The following NTM variants were observed in gnomAD, a reference collection of about 807,000 sequenced individuals.
NTM encodes the protein neurotrimin.
A neutral mutation model predicts 42.1 loss-of-function variants in NTM; 13 were observed. The ratio of observed to expected loss-of-function variants is 0.31; its 90% CI spans 0.20 to 0.49. The LOEUF is 0.49. Among genes scored for constraint, NTM ranks in the 20% least tolerant of loss-of-function variants. NTM has a pLI of 0.99. For synonymous variants in NTM, 187 were observed against 179.2 expected (o/e 1.04, Z -0.35); for missense variants, 373 against 452.8 (o/e 0.82, Z 1.60).
At chr11:131,855,030 G>A (rs2045961124) in intron 1 of NTM, among the ~76,000 whole-genome samples, 2 of 152,288 alleles carry the variant, frequency 1.3e-5, no homozygotes, top group South Asian at 4.2e-4. Context: ...GTGCTGATGG[G>A]AACATCTGGG....
At chr11:131,827,995 G>T (rs935614455) in intron 1 of NTM, among the ~76,000 whole-genome samples, 1 of 152,068 alleles carries the variant, frequency 6.6e-6, no homozygotes, top group African/African-American at 2.4e-5. Context: ...TGTAGGCAGA[G>T]CTGTAAGATG....
intron 2 of NTM, among the ~76,000 whole-genome samples, chr11:132,029,930 C>T (rs1197862643): frequency 6.6e-6 from 1 of 152,166 alleles, no homozygotes; most frequent in African/African-American, 2.4e-5. Context: ...CAGTGTTCCA[C>T]ATGAATGAAT....
chr11:131,745,283 G>A (rs2081672536), intron 1 of NTM, among the ~76,000 whole-genome samples: 1 of 152,192 alleles, frequency 6.6e-6, no homozygotes, highest in South Asian at 2.1e-4. Context: ...GAATGAGGAG[G>A]TGCCATTCAG....
chr11:131,805,556 C>G (rs1001235197), intron 1 of NTM, among the ~76,000 whole-genome samples: 5 of 152,200 alleles, frequency 3.3e-5, no homozygotes, highest in Non-Finnish European at 7.3e-5. Context: ...TTGCCCTACT[C>G]TAATAATAAA....
chr11:131,801,786 C>T (rs1487566692), intron 1 of NTM, among the ~76,000 whole-genome samples: 1 of 152,072 alleles, frequency 6.6e-6, no homozygotes, highest in Non-Finnish European at 1.5e-5. Context: ...AACCCGTGCT[C>T]TTCCCGTAAC....
intron 1 of NTM, among the ~76,000 whole-genome samples, chr11:131,688,640 G>A (rs553772135): frequency 3.9e-5 from 6 of 152,366 alleles, no homozygotes; most frequent in African/African-American, 1.2e-4. Context: ...CACCCCCAGT[G>A]ACTGTCCAGC....
Position 131,807,349 on chromosome 11 carries a change from T to A in NTM, c.83-104215T>A, listed in dbSNP as rs142677905. Among the ~76,000 whole-genome samples, 1,377 of 152,228 alleles carry A rather than the reference T, an allele frequency of 9.0e-3. 12 individuals carry two copies. Among genetic ancestry groups the A allele is most frequent in the Middle Eastern group, 0.027 (8 of 294 alleles). ...TGCCGTAGCATGAAAGTGGAGGGAC[T>A]GGAGACAAGAAAAGCTACAAGGCCA... On this transcript the variant is annotated intron_variant, in intron 1 of 8. Coordinates refer to ENST00000683400, the MANE Select transcript of NTM (RefSeq NM_001352005.2).
chr11:131,618,375 T>G (rs1227563701), intron 1 of NTM, among the ~76,000 whole-genome samples: 1 of 152,198 alleles, frequency 6.6e-6, no homozygotes, highest in Non-Finnish European at 1.5e-5. Context: ...AACCAAATTT[T>G]CTCTGGACTA....
chr11:131,976,483 T>C (rs753614563), intron 2 of NTM, among the ~76,000 whole-genome samples: 40 of 152,174 alleles, frequency 2.6e-4, no homozygotes, highest in Admixed American at 1.6e-3. Context: ...AATAGATTCA[T>C]GTTTTCTTTC....
chr11:131,718,012 GTTGA>G (rs1187346626), intron 1 of NTM, among the ~76,000 whole-genome samples: 2 of 152,074 alleles, frequency 1.3e-5, no homozygotes, highest in Non-Finnish European at 2.9e-5. Context: ...AAGTACATTG[GTTGA>G]TTATTTTTAA....
intron 2 of NTM, among the ~76,000 whole-genome samples, chr11:132,059,549 C>G (rs1289183447): frequency 2.6e-5 from 4 of 152,120 alleles, no homozygotes; most frequent in Admixed American, 2.6e-4. Flanking sequence ...TGTGTGGTAC[C>G]GGCTGAACTC....
At position 131,667,204 on chromosome 11, in the gene NTM, A is replaced by G. The variant is rs180735113; in HGVS notation, c.83-244360A>G. Among the ~76,000 whole-genome samples, 30 of 152,224 alleles carry G rather than the reference A, an allele frequency of 2.0e-4. 1 individual carries two copies. Among genetic ancestry groups the G allele is most frequent in the African/African-American group, 6.7e-4 (28 of 41,548 alleles). ...GAGGAGGACCCCAATTCTGGGCAGAATCTACAAAGCCTGTGGATCCTGGCC... is the reference window on the plus strand; with the variant it reads ...GAGGAGGACCCCAATTCTGGGCAGAGTCTACAAAGCCTGTGGATCCTGGCC... On this transcript the variant is annotated intron_variant, in intron 1 of 8. Coordinates refer to ENST00000683400, the MANE Select transcript of NTM (RefSeq NM_001352005.2).
chr11:132,114,147 A>C (rs944660496), intron 2 of NTM, among the ~76,000 whole-genome samples: 19 of 152,228 alleles, frequency 1.2e-4, no homozygotes, highest in Admixed American at 1.1e-3. Flanking sequence ...AAAATAAAAG[A>C]GATGTAAATA....
chr11:131,914,493 T>C (rs2055929358), intron 2 of NTM, among the ~76,000 whole-genome samples: 1 of 152,234 alleles, frequency 6.6e-6, no homozygotes, highest in Non-Finnish European at 1.5e-5. Context: ...CTTTTTGCTC[T>C]AATTTCATTT....
chr11:131,842,763 C>G (rs947448529), intron 1 of NTM, among the ~76,000 whole-genome samples: 1 of 152,136 alleles, frequency 6.6e-6, no homozygotes, highest in African/African-American at 2.4e-5. Flanking sequence ...ATAATCCCAG[C>G]ATTTTGGGAG....
At chr11:131,984,671 T>C (rs192539209) in intron 2 of NTM, 13 of 152,294 alleles carry the variant, frequency 8.5e-5, no homozygotes, top group African/African-American at 3.1e-4. Context: ...CCAGGCTCTT[T>C]TAAAGGAAAA....
chr11:131,612,814 GTC>G (rs1437692519), intron 1 of NTM, among the ~76,000 whole-genome samples: 1 of 152,234 alleles, frequency 6.6e-6, no homozygotes, highest in Admixed American at 6.5e-5. Context: ...CTCTGGCTGA[GTC>G]TCTGGGCACT....
At chr11:131,749,843 G>T (rs1313653874) in intron 1 of NTM, among the ~76,000 whole-genome samples, 2 of 152,106 alleles carry the variant, frequency 1.3e-5, no homozygotes, top group Non-Finnish European at 2.9e-5. Flanking sequence ...CAGGTGATTT[G>T]CCCTCCTCAG....
At chr11:131,803,912 G>A (rs1216272936) in intron 1 of NTM, among the ~76,000 whole-genome samples, 3 of 152,092 alleles carry the variant, frequency 2.0e-5, no homozygotes, top group Admixed American at 6.5e-5. Context: ...ACCTCCCACT[G>A]TCCAATTATC....
Sources: allele counts gnomAD v4.1 joint callset (sites outside exome capture counted in the v4.1 genomes callset), GRCh38; gene constraint gnomAD v4.1.1; transcripts MANE v1.5; gene names NCBI Gene and HGNC (gene_info 2026-07-23, HGNC 2026-07-21).